JPH3: variants seen among roughly 807,000 people sequenced by gnomAD.
JPH3 encodes the protein junctophilin-3.
JPH3 carries 11 observed loss-of-function variants against 59.6 expected under a neutral mutation model. The ratio of observed to expected loss-of-function variants is 0.18; its 90% CI spans 0.12 to 0.31. The LOEUF is 0.31. JPH3 is among the 10% of genes least tolerant of loss of function. The probability of loss-of-function intolerance (pLI) is 1.00; values close to 1 mark genes in which losing one functional copy is unlikely to be tolerated. For missense variants in JPH3, 1,202 were observed against 1,105.7 expected (o/e 1.09, Z -1.24); for synonymous variants, 673 against 483.6 (o/e 1.39, Z -5.14).
At chr16:87,695,906 C>T (rs1274974247) in intron 4 of JPH3, 2 of 455,858 alleles carry the variant, frequency 4.4e-6, no homozygotes, top group Admixed American at 2.4e-5. Flanking sequence ...GAGTCTGGCA[C>T]TTGGGGCTCC....
intron 2 of JPH3, among the ~76,000 whole-genome samples, chr16:87,668,420 C>G (rs1189341871): frequency 6.6e-6 from 1 of 152,200 alleles, no homozygotes; most frequent in African/African-American, 2.4e-5. Flanking sequence ...TGGCCCTACT[C>G]ACGGGAACTT....
chr16:87,696,314 G>C (rs532492501), intron 4 of JPH3, among the ~76,000 whole-genome samples: 3 of 152,112 alleles, frequency 2.0e-5, no homozygotes, highest in East Asian at 3.9e-4. Flanking sequence ...GGTACTCAGG[G>C]TGTCGGGGCC....
intron 1 of JPH3, among the ~76,000 whole-genome samples, chr16:87,619,199 G>C (rs1307578420): frequency 6.6e-6 from 1 of 151,834 alleles, no homozygotes; most frequent in Non-Finnish European, 1.5e-5. Flanking sequence ...TGTAGTCCCA[G>C]CTATGAGGAA....
intron 2 of JPH3, among the ~76,000 whole-genome samples, chr16:87,680,827 G>A (rs1419054974): frequency 1.3e-5 from 2 of 152,228 alleles, no homozygotes; most frequent in Non-Finnish European, 2.9e-5. Context: ...CAGGCACCAC[G>A]TCGTCTTTTT....
At chr16:87,655,396 C>T (rs1057235163) in intron 2 of JPH3, among the ~76,000 whole-genome samples, 42 of 152,184 alleles carry the variant, frequency 2.8e-4, no homozygotes, top group African/African-American at 7.7e-4. Context: ...CTCTGTCCCC[C>T]GGGCTGGAGT....
chr16:87,657,216 C>T (rs183693920), intron 2 of JPH3, among the ~76,000 whole-genome samples: 5 of 152,324 alleles, frequency 3.3e-5, no homozygotes, highest in South Asian at 2.1e-4. Context: ...GGAGGCCAAA[C>T]TGACCAGACC....
In JPH3 at chr16:87,644,120, A is replaced by G. The variant is rs2032049188; in HGVS notation, c.383-138A>G. ...CTCACTGCACTCCAGCCTGGGCAAC[A>G]CAGCGAGAACCTGTCTCAAAAAACA... On this transcript the variant is annotated intron_variant, in intron 1 of 4. Coordinates refer to ENST00000284262, the MANE Select transcript of JPH3 (RefSeq NM_020655.4). 3 of 910,802 alleles carry G rather than the reference A, an allele frequency of 3.3e-6. No homozygotes were observed. In the South Asian group the frequency reaches 5.0e-5, roughly 15 times the overall value. 56.4% of individuals were successfully genotyped at this position (910,802 alleles called of 1,614,324 possible).
At position 87,644,477 on chromosome 16, in the gene JPH3, A is replaced by T. The variant is rs767830500; in HGVS notation, c.602A>T (p.His201Leu). The change falls in exon 2 of 5, where the codon CAC becomes CTC. Residue 201 changes from histidine to leucine, a missense_variant. Coordinates refer to ENST00000284262, the MANE Select transcript of JPH3 (RefSeq NM_020655.4). ...CGCGGGGGCTTCGTGCTCGTGGCCC[A>T]CAGTGACTCCGAGATCCTCAAGAGC... The part of the protein sequence containing the change: ...VSRGGFVLVA[H>L]SDSEILKSKK... The T allele has an allele frequency of 1.2e-6, 2 of 1,612,686 alleles. No homozygotes were observed. The highest frequency in any genetic ancestry group is 1.7e-6 in the Non-Finnish European group (2 of 1,179,804).
Position 87,696,399 on chromosome 16 carries a change from T to C in JPH3, c.2167-181T>C. On this transcript the variant is annotated intron_variant, in intron 4 of 4. Transcript: ENST00000284262. ...GCAGCTGGGGCTTCTCTCCCGCGTC[T>C]GGACTTCACGGAGCTCAGGTTCTGG... 14 of 609,326 alleles carry C rather than the reference T, an allele frequency of 2.3e-5. No individual in the cohort carries two copies. In the South Asian group the frequency reaches 2.8e-4, roughly 12 times the overall value. The allele number at this position is 609,326 out of a possible 1,614,324, so 37.7% of individuals were successfully genotyped here.
At chr16:87,641,014 C>T (rs60142083) in intron 1 of JPH3, among the ~76,000 whole-genome samples, 3,753 of 152,292 alleles carry the variant, frequency 0.025, 139 homozygotes, top group African/African-American at 0.081. Flanking sequence ...GAAGGGCGTT[C>T]GGGTGTGGAG....
chr16:87,622,746 C>G (rs1238511459), intron 1 of JPH3, among the ~76,000 whole-genome samples: 1 of 151,964 alleles, frequency 6.6e-6, no homozygotes, highest in African/African-American at 2.4e-5. Flanking sequence ...AGACCCCCCC[C>G]CGCCCCACCC....
At chr16:87,685,398 G>A (rs909282391) in intron 3 of JPH3, among the ~76,000 whole-genome samples, 1 of 152,242 alleles carries the variant, frequency 6.6e-6, no homozygotes, top group African/African-American at 2.4e-5. Flanking sequence ...AGGGCAATGG[G>A]CCACGTGCCC....
rs1241196858 is a variant in JPH3, at chr16:87,611,642, T to C, written c.382+8114T>C. Reference sequence around the variant, plus strand: ...TGGGCAGGACATGGGCCCGCCTCTGTCTGCTGCTCTATGCCAGTGCTTCCC... The same window carrying C: ...TGGGCAGGACATGGGCCCGCCTCTGCCTGCTGCTCTATGCCAGTGCTTCCC... On this transcript the variant is annotated intron_variant, in intron 1 of 4. Transcript: ENST00000284262. This position sits in a 1 kb window ranked among gnomAD's most constrained non-coding sequence, Gnocchi z 4.5. Among the ~76,000 whole-genome samples, 1 of 151,938 alleles carries C rather than the reference T, an allele frequency of 6.6e-6. No individual in the cohort carries two copies. Among genetic ancestry groups the C allele is most frequent in the Non-Finnish European group, 1.5e-5 (1 of 67,996 alleles).
At chr16:87,657,793 T>C (rs1219170948) in intron 2 of JPH3, among the ~76,000 whole-genome samples, 1 of 152,134 alleles carries the variant, frequency 6.6e-6, no homozygotes, top group East Asian at 1.9e-4. Flanking sequence ...TGTGCTCACA[T>C]TCTGTTGGCC....
chr16:87,661,751 G>A (rs968275390), intron 2 of JPH3, among the ~76,000 whole-genome samples: 9 of 152,236 alleles, frequency 5.9e-5, no homozygotes, highest in African/African-American at 1.7e-4. Flanking sequence ...GCCACGGGGC[G>A]GGGAGAGAAT....
intron 2 of JPH3, among the ~76,000 whole-genome samples, chr16:87,678,194 T>C (rs1329859375): frequency 1.3e-5 from 2 of 152,118 alleles, no homozygotes; most frequent in Admixed American, 1.3e-4. Context: ...TGAGCAGTGA[T>C]TGTGCCACTG....
intron 4 of JPH3, chr16:87,694,918 C>T (rs756727534): frequency 4.1e-5 from 9 of 220,238 alleles, no homozygotes; most frequent in South Asian, 2.1e-4. Flanking sequence ...CGCGGTTGCA[C>T]GGCCCATGTC....
chr16:87,630,633 C>T (rs756520228), intron 1 of JPH3, among the ~76,000 whole-genome samples: 1 of 152,118 alleles, frequency 6.6e-6, no homozygotes, highest in African/African-American at 2.4e-5. Flanking sequence ...ATTTTTAATC[C>T]TTATTGAGCT....
Position 87,604,589 on chromosome 16 carries a change from A to G in JPH3, c.382+1061A>G, listed in dbSNP as rs568587292. On this transcript the variant is annotated intron_variant, in intron 1 of 4. Transcript: ENST00000284262. The stretch of plus-strand genomic sequence containing the variant: ...CCTGGGAAGGGAGTGAGACGCAGCA[A>G]TGACTTGTGCTTCTGCCGAGAATAA... 32 of 1,225,660 alleles carry G rather than the reference A, an allele frequency of 2.6e-5. No individual in the cohort carries two copies. In the African/African-American group the frequency reaches 3.6e-4, roughly 14 times the overall value. The allele number at this position is 1,225,660 out of a possible 1,614,324, so 75.9% of individuals were successfully genotyped here. A position where few individuals can be genotyped will look rare whatever the true frequency, so the allele number is the denominator to read the frequency against.
Sources: allele counts gnomAD v4.1 joint callset (sites outside exome capture counted in the v4.1 genomes callset), GRCh38; gene constraint gnomAD v4.1.1; non-coding constraint Gnocchi (gnomAD v3.1); transcripts MANE v1.5; gene names NCBI Gene and HGNC (gene_info 2026-07-23, HGNC 2026-07-21).